Variants in SLIT2 observed in about 807,000 individuals in gnomAD.
SLIT2 encodes slit guidance ligand 2, also known as slit homolog 2 protein.
SLIT2 carries 41 observed loss-of-function variants against 185.7 expected under a neutral mutation model. The ratio of observed to expected loss-of-function variants is 0.22; its 90% CI spans 0.17 to 0.29. The LOEUF is 0.29. SLIT2 is among the 10% of genes least tolerant of loss of function. SLIT2 has a pLI of 1.00. For synonymous variants in SLIT2, 693 were observed against 680.2 expected, an observed-to-expected ratio of 1.02 and a Z score of -0.29; for missense variants, 1,571 against 1,909.0, an observed-to-expected ratio of 0.82 and a Z score of 3.30.
intron 4 of SLIT2, among the ~76,000 whole-genome samples, chr4:20,284,213 C>T (rs555955751): frequency 6.6e-6 from 1 of 152,198 alleles, no homozygotes; most frequent in South Asian, 2.1e-4. Flanking sequence ...ATGATGGACA[C>T]CTTCCCATAT....
chr4:20,356,199 G>A (rs934373236), intron 4 of SLIT2, among the ~76,000 whole-genome samples: 5 of 152,094 alleles, frequency 3.3e-5, no homozygotes, highest in Admixed American at 1.3e-4. Flanking sequence ...ATTTAAATTT[G>A]ATGTATTTAG....
chr4:20,511,245 T>C (rs1468193483), intron 11 of SLIT2, 108 bp downstream of exon 11: 1 of 616,528 alleles, frequency 1.6e-6, no homozygotes, highest in African/African-American at 1.8e-5. Flanking sequence ...TTATGAATAA[T>C]GAATTATTAA....
intron 4 of SLIT2, among the ~76,000 whole-genome samples, chr4:20,357,683 C>T (rs926041647): frequency 1.3e-5 from 2 of 152,010 alleles, no homozygotes; most frequent in Admixed American, 6.6e-5. Context: ...AGACAAAATC[C>T]GTGATGTTTG....
At chr4:20,480,913 A>G in intron 6 of SLIT2, 126 bp downstream of exon 6, 1 of 711,312 alleles carries the variant, frequency 1.4e-6, no homozygotes, top group Non-Finnish European at 2.5e-6. Flanking sequence ...TACCTTAAAT[A>G]ACTCATGGTG....
intron 15 of SLIT2, 66 bp downstream of exon 15, chr4:20,525,238 C>T: frequency 1.7e-6 from 2 of 1,185,874 alleles, no homozygotes; most frequent in African/African-American, 1.5e-5. Context: ...AATATAGCTT[C>T]TAAAACTGAT....
chr4:20,526,049 T>A (rs1190185716), intron 15 of SLIT2, among the ~76,000 whole-genome samples: 1 of 152,176 alleles, frequency 6.6e-6, no homozygotes, highest in Non-Finnish European at 1.5e-5. Flanking sequence ...AAGTATCGAT[T>A]GGCCACATTC....
intron 24 of SLIT2, 28 bp downstream of exon 24, chr4:20,549,156 C>G (rs1310625954): frequency 1.4e-6 from 2 of 1,385,202 alleles, no homozygotes; most frequent in African/African-American, 2.8e-5. Flanking sequence ...AACAGAATAT[C>G]TCTTTTCTCA....
chr4:20,465,980 T>G (rs1288828360), intron 4 of SLIT2, among the ~76,000 whole-genome samples: 1 of 151,690 alleles, frequency 6.6e-6, no homozygotes, highest in African/African-American at 2.4e-5. Flanking sequence ...TTTTTTTGTC[T>G]TTGAAGTGGA....
intron 4 of SLIT2, among the ~76,000 whole-genome samples, chr4:20,391,815 T>C (rs914140762): frequency 1.3e-5 from 2 of 152,062 alleles, no homozygotes; most frequent in African/African-American, 2.4e-5. Flanking sequence ...ATGGTTCTTT[T>C]CTTTGTTTTG....
At chr4:20,585,580 C>T (rs1333971225) in intron 29 of SLIT2, among the ~76,000 whole-genome samples, 1 of 152,230 alleles carries the variant, frequency 6.6e-6, no homozygotes, top group Non-Finnish European at 1.5e-5. Flanking sequence ...AACCTATATT[C>T]AACCACATTG....
intron 4 of SLIT2, among the ~76,000 whole-genome samples, chr4:20,441,075 T>A (rs1027064279): frequency 6.7e-6 from 1 of 148,878 alleles, no homozygotes; most frequent in Non-Finnish European, 1.5e-5. Flanking sequence ...AAAAAAAAAA[T>A]TCCTTCATAA....
chr4:20,467,924 T>C, intron 5 of SLIT2, 101 bp downstream of exon 5: 1 of 595,102 alleles, frequency 1.7e-6, no homozygotes, highest in Non-Finnish European at 2.9e-6. Context: ...GTGAAAACCC[T>C]GTGTATATTT....
intron 9 of SLIT2, among the ~76,000 whole-genome samples, chr4:20,492,798 A>G (rs182892740): frequency 2.6e-5 from 4 of 152,266 alleles, no homozygotes; most frequent in African/African-American, 9.6e-5. Context: ...ATTTTTAACC[A>G]ATTTATTTAA....
chr4:20,589,277 C>T (rs1028208118), intron 29 of SLIT2, among the ~76,000 whole-genome samples: 7 of 151,968 alleles, frequency 4.6e-5, no homozygotes, highest in African/African-American at 1.7e-4. Context: ...ATAATCATTA[C>T]CAATTTATTC....
chr4:20,462,647 T>C (rs766177321), intron 4 of SLIT2, among the ~76,000 whole-genome samples: 7 of 152,168 alleles, frequency 4.6e-5, no homozygotes, highest in Non-Finnish European at 8.8e-5. Flanking sequence ...TGTCTGCCCA[T>C]TTTCCCTGTC....
At position 20,417,460 on chromosome 4, in the gene SLIT2, G is replaced by T. The variant is rs1179256022; in HGVS notation, c.396-50292G>T. Reference sequence around the variant, plus strand: ...TGTATATATATATATATATATATACGTATATATATGTGTGTGTACATATAC... The same window carrying T: ...TGTATATATATATATATATATATACTTATATATATGTGTGTGTACATATAC... On this transcript the variant is annotated intron_variant, in intron 4 of 36. Coordinates refer to ENST00000504154, the MANE Select transcript of SLIT2 (RefSeq NM_004787.4). Among the ~76,000 whole-genome samples the T allele has an allele frequency of 2.1e-4, 19 of 92,618 alleles. 1 individual carries two copies. In the East Asian group the frequency reaches 4.5e-3, roughly 22 times the overall value. 60.8% of individuals were successfully genotyped at this position (92,618 alleles called of 152,430 possible).
At chr4:20,432,765 T>TA (rs1409300396) in intron 4 of SLIT2, among the ~76,000 whole-genome samples, 2 of 152,182 alleles carry the variant, frequency 1.3e-5, no homozygotes, top group African/African-American at 4.8e-5. Context: ...CTTTAAAAAC[T>TA]AAAATTTTCT....
intron 4 of SLIT2, among the ~76,000 whole-genome samples, chr4:20,455,687 G>C (rs1051507573): frequency 1.3e-5 from 2 of 150,838 alleles, no homozygotes; most frequent in Admixed American, 6.6e-5. Context: ...AGCTTTTTTG[G>C]GGGGGTAATG....
At chr4:20,480,630 A>G (rs1716603524) in intron 5 of SLIT2, 86 bp from the exon 6 acceptor site, 3 of 923,662 alleles carry the variant, frequency 3.2e-6, no homozygotes, top group Non-Finnish European at 5.3e-6. Context: ...TGTCCAGGGT[A>G]TCATAGACCC....
Sources: allele counts gnomAD v4.1 joint callset (sites outside exome capture counted in the v4.1 genomes callset), GRCh38; gene constraint gnomAD v4.1.1; transcripts MANE v1.5; gene names NCBI Gene and HGNC (gene_info 2026-07-23, HGNC 2026-07-21).